Variants in CLEC4M observed in about 807,000 individuals in gnomAD.
CLEC4M encodes C-type lectin domain family 4 member M, also known as CD209 antigen-like protein 1.
In CLEC4M, 25 loss-of-function variants were observed where a neutral mutation model predicts 39.1. That is an observed-to-expected ratio of 0.64 (90% confidence interval 0.47 to 0.89). The LOEUF is 0.89. Among genes scored for constraint, CLEC4M ranks in the 40% least tolerant of loss-of-function variants. CLEC4M has a pLI of 0.00. For missense variants in CLEC4M, 353 were observed against 431.4 expected (o/e 0.82, Z 1.61); for synonymous variants, 155 against 177.4 (o/e 0.87, Z 1.00).
At chr19:7,766,462 A>G (rs529317650) in intron 4 of CLEC4M, 194 bp from the exon 5 acceptor site, 3 of 1,453,098 alleles carry the variant, frequency 2.1e-6, no homozygotes, top group Admixed American at 5.5e-5. Flanking sequence ...TGGAGCCAGG[A>G]CTCCTGGGTT....
chr19:7,766,536 G>A (rs559487513), intron 4 of CLEC4M, 120 bp from the exon 5 acceptor site: 282 of 1,546,596 alleles, frequency 1.8e-4, no homozygotes, highest in Non-Finnish European at 2.3e-4. Context: ...CATTCCAAGC[G>A]GTCCACCCAA....
intron 3 of CLEC4M, 25 bp downstream of exon 3, chr19:7,765,293 G>C: frequency 6.2e-7 from 1 of 1,612,988 alleles, no homozygotes; most frequent in Non-Finnish European, 8.5e-7. Context: ...CTGAGGGTCT[G>C]GGGTCCCCAG....
chr19:7,766,049 C>G lies in CLEC4M; in HGVS notation c.626C>G (p.Thr209Arg). 2 of 1,479,424 alleles carry G rather than the reference C, an allele frequency of 1.4e-6. No homozygotes were observed. Among genetic ancestry groups the G allele is most frequent in the Non-Finnish European group, 1.9e-6 (2 of 1,076,536 alleles). 91.6% of individuals were successfully genotyped at this position (1,479,424 alleles called of 1,614,324 possible). A position where few individuals can be genotyped will look rare whatever the true frequency, so the allele number is the denominator to read the frequency against. The change falls in exon 4 of 7, where the codon ACG becomes AGG. Residue 209 changes from threonine to arginine, a missense_variant. Thr to Arg is a moderately conservative substitution (Grantham distance 71). This residue lies in a region of CLEC4M where 18 missense variants were observed against 77.1 expected (regional missense o/e 0.23). Coordinates refer to ENST00000327325, the MANE Select transcript of CLEC4M (RefSeq NM_014257.5). The part of the protein sequence containing the change: ...SKLQEIYQEL[T>R]ELKAAVGELP... ...CTGCAGGAGATCTACCAGGAGCTGA[C>G]GGAGCTGAAGGCTGCAGTGGGTGAG...
intron 6 of CLEC4M, 98 bp from the exon 7 acceptor site, chr19:7,768,740 A>G (rs2034389429): frequency 7.1e-7 from 1 of 1,412,098 alleles, no homozygotes; most frequent in African/African-American, 1.4e-5. Flanking sequence ...CAGCATACAC[A>G]TGTAGGGCAG....
At chr19:7,764,649 G>A (rs950486697) in intron 2 of CLEC4M, among the ~76,000 whole-genome samples, 2 of 151,550 alleles carry the variant, frequency 1.3e-5, no homozygotes, top group African/African-American at 2.4e-5. Flanking sequence ...CCACCACCAC[G>A]CCCGGCTAAT....
chr19:7,763,785 C>A (rs1481605880), intron 2 of CLEC4M, among the ~76,000 whole-genome samples: 1 of 149,416 alleles, frequency 6.7e-6, no homozygotes, highest in Non-Finnish European at 1.5e-5. Flanking sequence ...AGCCTGGACT[C>A]CTGGAACCAG....
At position 7,768,968 on chromosome 19, in the gene CLEC4M, G is replaced by C; in HGVS notation, c.1180G>C (p.Ala394Pro). Residue 394 changes from alanine to proline, a missense_variant, in exon 7 of 7, where the codon GCC (alanine) becomes CCC (proline). Ala to Pro is a conservative substitution (Grantham distance 27). This residue lies in a region of CLEC4M where 196 missense variants were observed against 211.7 expected (regional missense o/e 0.93). Transcript: ENST00000327325. ...DNYWICKKPA[A>P]CFRDE Reference sequence around the variant, plus strand: ...TTACTGGATCTGCAAAAAGCCCGCAGCCTGCTTCAGAGACGAATAGTTGTT... The same window carrying C: ...TTACTGGATCTGCAAAAAGCCCGCACCCTGCTTCAGAGACGAATAGTTGTT... 1 of 1,614,116 alleles carries C rather than the reference G, an allele frequency of 6.2e-7. No individual in the cohort carries two copies. Among genetic ancestry groups the C allele is most frequent in the African/African-American group, 1.3e-5 (1 of 75,054 alleles).
intron 6 of CLEC4M, 64 bp downstream of exon 6, chr19:7,767,692 G>A: frequency 2.1e-6 from 3 of 1,441,832 alleles, no homozygotes; most frequent in Non-Finnish European, 2.9e-6. Context: ...TCTGACTTGA[G>A]CTTTCCCTGG....
rs1187148844 is a variant in CLEC4M, at chr19:7,763,255, C to T, written c.-12C>T. 3 of 1,588,362 alleles carry T rather than the reference C, an allele frequency of 1.9e-6. No individual in the cohort carries two copies. The highest frequency in any genetic ancestry group is 2.6e-6 in the Non-Finnish European group (3 of 1,169,138). ...CCCAGGAGTCCTGAACATCTGGGGA[C>T]AGCGGGAAAACATGAGTGACTCCAA... On this transcript the variant is annotated 5_prime_UTR_variant, in exon 1 of 7. Coordinates refer to ENST00000327325, the MANE Select transcript of CLEC4M (RefSeq NM_014257.5).
At chr19:7,767,845 C>T (rs2034347619) in intron 6 of CLEC4M, 1 of 533,584 alleles carries the variant, frequency 1.9e-6, no homozygotes, top group East Asian at 3.1e-5. Context: ...GGAGCTTGCC[C>T]TGTGGGTAGG....
At position 7,769,247 on chromosome 19, in the gene CLEC4M, T is replaced by C; in HGVS notation, c.*259T>C. 1 of 378,578 alleles carries C rather than the reference T, an allele frequency of 2.6e-6. No homozygotes were observed. 23.5% of individuals were successfully genotyped at this position (378,578 alleles called of 1,614,324 possible). ...AGTGGGATGCATTTAGGGGGCGGGC[T>C]TGGTATGTTGTATGAATCCACTCTC... is the stretch of plus-strand genomic sequence containing the variant. On this transcript the variant is annotated 3_prime_UTR_variant, in exon 7 of 7. Transcript: ENST00000327325.
rs372091807 is a variant in CLEC4M at position 7,766,828 on chromosome 19, C to T, written c.936+21C>T. ...AGCAGGTACACGTGGTGGGGGTCCT[C>T]GTCCTGGCCTGGGGCATGGCTTCTG... On this transcript the variant is annotated intron_variant, in intron 5 of 6. Transcript: ENST00000327325. 208 of 1,614,120 alleles carry T rather than the reference C, an allele frequency of 1.3e-4. 1 individual carries two copies. In the South Asian group the frequency reaches 1.7e-3, roughly 13 times the overall value.
rs1181588093 is a variant in CLEC4M at position 7,769,110 on chromosome 19, A to AT, written c.*127dup. The AT allele has an allele frequency of 1.0e-6, 1 of 977,574 alleles. No homozygotes were observed. Among genetic ancestry groups the AT allele is most frequent in the Non-Finnish European group, 1.5e-6 (1 of 665,270 alleles). 60.6% of individuals were successfully genotyped at this position (977,574 alleles called of 1,614,324 possible). On this transcript the variant is annotated 3_prime_UTR_variant, in exon 7 of 7. Transcript: ENST00000327325. The stretch of plus-strand genomic sequence containing the variant: ...ATGCCCTGAGACGGTTCTCTGTTCG[A>AT]TTTTTCATCCCCTATGAACCTGGGT...
Position 7,766,251 on chromosome 19 carries a change from C to G in CLEC4M, c.784+44C>G, listed in dbSNP as rs762589615. ...AGGGTCCTTGGGCCTGAGATGGTCT[C>G]TGTGTGATGTGACTTTACTTGAGTT... is the stretch of plus-strand genomic sequence containing the variant. On this transcript the variant is annotated intron_variant, in intron 4 of 6. Transcript: ENST00000327325. 2.5e-6 allele frequency: 4 copies of G among 1,609,374 alleles called. 1 individual carries two copies. The South Asian group carries it at 4.4e-5, about 18-fold the overall frequency.
rs770994717 is a variant in CLEC4M, at chr19:7,763,525, C to T, written c.130+49C>T. ...TAGTGGAAGACAGAGCCTCCCAGACCCCTGGGTCCTGGGGAGGTAGGTGTT... is the reference window on the plus strand; with the variant it reads ...TAGTGGAAGACAGAGCCTCCCAGACTCCTGGGTCCTGGGGAGGTAGGTGTT... On this transcript the variant is annotated intron_variant, in intron 2 of 6. Coordinates refer to ENST00000327325, the MANE Select transcript of CLEC4M (RefSeq NM_014257.5). The T allele has an allele frequency of 5.3e-6, 8 of 1,505,510 alleles. No homozygotes were observed. In the South Asian group the frequency reaches 7.9e-5, roughly 15 times the overall value. The allele number at this position is 1,505,510 out of a possible 1,614,324, so 93.3% of individuals were successfully genotyped here.
chr19:7,763,350 G>A lies in CLEC4M; in HGVS notation c.46+38G>A, dbSNP rs114368288. The A allele has an allele frequency of 1.4e-4, 225 of 1,612,548 alleles. 1 individual carries two copies. In the African/African-American group the frequency reaches 2.3e-3, roughly 17 times the overall value. Reference sequence around the variant, plus strand: ...TGGAACTCTGGGATCCTGGGTAAGGGGAAGGGATGGCCCAGGCTCTGAGCT... The same window carrying A: ...TGGAACTCTGGGATCCTGGGTAAGGAGAAGGGATGGCCCAGGCTCTGAGCT... On this transcript the variant is annotated intron_variant, in intron 1 of 6. Coordinates refer to ENST00000327325, the MANE Select transcript of CLEC4M (RefSeq NM_014257.5).
chr19:7,763,564 C>G (rs2146344098), intron 2 of CLEC4M, 88 bp downstream of exon 2: 3 of 1,122,714 alleles, frequency 2.7e-6, no homozygotes, highest in Non-Finnish European at 3.9e-6. Context: ...GTCTGGAATC[C>G]TGGGTTCTGG....
At chr19:7,765,401 C>G in intron 3 of CLEC4M, 133 bp downstream of exon 3, 1 of 1,152,624 alleles carries the variant, frequency 8.7e-7, no homozygotes, top group Non-Finnish European at 1.2e-6. Context: ...TCTGTAGGGG[C>G]CTCTCCCACA....
At chr19:7,767,903 C>A in intron 6 of CLEC4M, 2 of 318,392 alleles carry the variant, frequency 6.3e-6, no homozygotes, top group South Asian at 6.0e-5. Flanking sequence ...TCTAGTAAGG[C>A]CACCAGCTCA....
Sources: allele counts gnomAD v4.1 joint callset (sites outside exome capture counted in the v4.1 genomes callset), GRCh38; gene constraint gnomAD v4.1.1; regional missense constraint gnomAD v4.1.1; transcripts MANE v1.5; gene names NCBI Gene and HGNC (gene_info 2026-07-23, HGNC 2026-07-21).